BRAF: variants seen among roughly 807,000 people sequenced by gnomAD.
The protein encoded by BRAF is B-Raf proto-oncogene, serine/threonine kinase.
In BRAF, 16 loss-of-function variants were observed where a neutral mutation model predicts 104.6. The ratio of observed to expected loss-of-function variants is 0.15; its 90% CI spans 0.10 to 0.23. The LOEUF is 0.23. BRAF is among the 10% of genes least tolerant of loss of function. The pLI, the probability that BRAF is intolerant of heterozygous loss-of-function variation, is 1.00. For synonymous variants in BRAF, 310 were observed against 341.6 expected, an observed-to-expected ratio of 0.91 and a Z score of 1.02; for missense variants, 541 against 937.3, an observed-to-expected ratio of 0.58 and a Z score of 5.52.
chr7:140,914,865 C>T (rs1467190320), intron 1 of BRAF, among the ~76,000 whole-genome samples: 1 of 149,902 alleles, frequency 6.7e-6, no homozygotes, highest in East Asian at 2.0e-4. Context: ...TGGTGAAATC[C>T]CATCTCTACC....
At chr7:140,895,790 G>A (rs1258349649) in intron 1 of BRAF, among the ~76,000 whole-genome samples, 3 of 151,994 alleles carry the variant, frequency 2.0e-5, no homozygotes, top group African/African-American at 4.8e-5. Flanking sequence ...GCATTCCATC[G>A]GATGCTATAC....
At chr7:140,777,962 C>G (rs1800492707) in intron 13 of BRAF, 29 bp downstream of exon 12, 1 of 1,605,456 alleles carries the variant, frequency 6.2e-7, no homozygotes, top group African/African-American at 1.3e-5. Flanking sequence ...ACTTCTTTCT[C>G]TGGAAAAGAG....
At chr7:140,890,421 T>G (rs1446330064) in intron 1 of BRAF, among the ~76,000 whole-genome samples, 1 of 152,036 alleles carries the variant, frequency 6.6e-6, no homozygotes, top group East Asian at 1.9e-4. Context: ...ATGCTAGGAG[T>G]TGAGGATACA....
chr7:140,873,119 G>A (rs928746098), intron 1 of BRAF, among the ~76,000 whole-genome samples: 1 of 150,500 alleles, frequency 6.6e-6, no homozygotes, highest in Non-Finnish European at 1.5e-5. Flanking sequence ...CAGTGCTCTG[G>A]ACTTCAGCTA....
At chr7:140,746,336 G>A (rs914717406) in intron 17 of BRAF, among the ~76,000 whole-genome samples, 1 of 152,122 alleles carries the variant, frequency 6.6e-6, no homozygotes, top group Non-Finnish European at 1.5e-5. Context: ...GAAGAACAGG[G>A]TGATTAGAGA....
At chr7:140,715,600 AG>A (rs1402637864), downstream of BRAF, among the ~76,000 whole-genome samples, 1 of 152,228 alleles carries the variant, frequency 6.6e-6, no homozygotes, top group African/African-American at 2.4e-5. Flanking sequence ...TTTTGTTTAA[AG>A]AATAAGGAGG....
chr7:140,846,181 G>A (rs1808523641), intron 2 of BRAF, among the ~76,000 whole-genome samples: 1 of 152,084 alleles, frequency 6.6e-6, no homozygotes, highest in African/African-American at 2.4e-5. Context: ...GAAGTAAAAG[G>A]AACTCAGATA....
chr7:140,893,909 T>C (rs1016101223), intron 1 of BRAF, among the ~76,000 whole-genome samples: 1 of 151,954 alleles, frequency 6.6e-6, no homozygotes, highest in South Asian at 2.1e-4. Flanking sequence ...TCCCAGCACT[T>C]TGGGAGGCCA....
rs149893403 is a variant in BRAF at position 140,758,837 on chromosome 7, A to G, written c.1815-4604T>C. On this transcript the variant is annotated intron_variant, in intron 14 of 19. Transcript: ENST00000644969. The stretch of plus-strand genomic sequence containing the variant: ...TACATGGACAGTTTTAAAAGTTTCA[A>G]CACACACATACACTTGTGTAATGAC... 1.7e-4 allele frequency among the ~76,000 whole-genome samples: 26 copies of G among 152,364 alleles called. 1 individual carries two copies. In the East Asian group the frequency reaches 3.5e-3, roughly 20 times the overall value.
rs1719565709 is a variant in BRAF, at chr7:140,720,266, C to CATAT, written c.*6227_*6228insATAT. 6.6e-6 allele frequency: 7 copies of CATAT among 1,062,252 alleles called. No individual in the cohort carries two copies. The highest frequency in any genetic ancestry group is 5.4e-5 in the Admixed American group (1 of 18,602). 65.8% of individuals were successfully genotyped at this position (1,062,252 alleles called of 1,614,324 possible). A position where few individuals can be genotyped will look rare whatever the true frequency, so the allele number is the denominator to read the frequency against. ...TGTGATACAGTCCTCAAAAATCAGG[C>CATAT]GATATCATGAAGGCCAAACTGAGTC... is the stretch of plus-strand genomic sequence containing the variant. On this transcript the variant is annotated 3_prime_UTR_variant, in exon 20 of 20. Coordinates refer to ENST00000644969, the MANE Select transcript of BRAF (RefSeq NM_001374258.1).
At chr7:140,746,896 T>C (rs1040816508) in intron 17 of BRAF, among the ~76,000 whole-genome samples, 1 of 151,620 alleles carries the variant, frequency 6.6e-6, no homozygotes, top group Non-Finnish European at 1.5e-5. Context: ...CTAGTCTACC[T>C]ACCTGAGTCC....
chr7:140,788,009 G>A (rs1012055363), intron 8 of BRAF, among the ~76,000 whole-genome samples: 3 of 152,188 alleles, frequency 2.0e-5, no homozygotes, highest in Non-Finnish European at 2.9e-5. Context: ...AGGAGGAAGA[G>A]CAACAGAAAG....
At chr7:140,897,029 G>A (rs1440751397) in intron 1 of BRAF, among the ~76,000 whole-genome samples, 1 of 150,382 alleles carries the variant, frequency 6.6e-6, no homozygotes. Context: ...AATCCCAATA[G>A]TACTTTTTAC....
At chr7:140,888,606 C>A (rs958065084) in intron 1 of BRAF, among the ~76,000 whole-genome samples, 6 of 152,070 alleles carry the variant, frequency 3.9e-5, no homozygotes, top group African/African-American at 1.2e-4. Flanking sequence ...GAAGCTGAGG[C>A]GGGCAGATCA....
At chr7:140,864,203 T>A (rs898048300) in intron 1 of BRAF, among the ~76,000 whole-genome samples, 3 of 152,122 alleles carry the variant, frequency 2.0e-5, no homozygotes, top group Non-Finnish European at 2.9e-5. Context: ...CAAGAGTGAA[T>A]GCAGGGAGGA....
chr7:140,816,393 G>A (rs1186151332), intron 3 of BRAF, among the ~76,000 whole-genome samples: 2 of 152,108 alleles, frequency 1.3e-5, no homozygotes, highest in Non-Finnish European at 2.9e-5. Context: ...CTTTACTTTC[G>A]ACCTATTCCA....
rs539671522 is a variant in BRAF, at chr7:140,768,670, A to T, written c.1814+8242T>A. 1.6e-4 allele frequency among the ~76,000 whole-genome samples: 24 copies of T among 152,018 alleles called. 1 individual carries two copies. The highest frequency in any genetic ancestry group is 4.2e-4 in the South Asian group (2 of 4,814). ...TACCATGCTTGGCTAATTAAAAAAA[A>T]TTTTTTTGTAGAGATGAGGTCTTAC... On this transcript the variant is annotated intron_variant, in intron 14 of 19. Transcript: ENST00000644969.
chr7:140,796,168 T>C (rs934136652), intron 7 of BRAF, among the ~76,000 whole-genome samples: 1 of 151,904 alleles, frequency 6.6e-6, no homozygotes, highest in African/African-American at 2.4e-5. Context: ...CTGGCCAACA[T>C]AGTAAAACCC....
chr7:140,913,580 T>C (rs1373945968), intron 1 of BRAF, among the ~76,000 whole-genome samples: 1 of 148,860 alleles, frequency 6.7e-6, no homozygotes, highest in Non-Finnish European at 1.5e-5. Flanking sequence ...ACTCCCTGAT[T>C]GAAGCGATTC....
Sources: allele counts gnomAD v4.1 joint callset (sites outside exome capture counted in the v4.1 genomes callset), GRCh38; gene constraint gnomAD v4.1.1; transcripts MANE v1.5; gene names NCBI Gene and HGNC (gene_info 2026-07-23, HGNC 2026-07-21).